Variants in INSC observed in about 807,000 individuals in gnomAD.
INSC encodes protein inscuteable homolog.
INSC carries 67 observed loss-of-function variants against 58.6 expected under a neutral mutation model. That is an observed-to-expected ratio of 1.14 (90% CI 0.94 to 1.40). The LOEUF is 1.40. INSC is among the 40% of genes most tolerant of loss of function. The pLI is 0.00. For missense variants in INSC, 714 were observed against 692.0 expected, an observed-to-expected ratio of 1.03 and a Z score of -0.36; for synonymous variants, 262 against 276.1, an observed-to-expected ratio of 0.95 and a Z score of 0.51.
At chr11:15,216,247 G>T (rs1851214243) in intron 7 of INSC, among the ~76,000 whole-genome samples, 1 of 152,200 alleles carries the variant, frequency 6.6e-6, no homozygotes, top group African/African-American at 2.4e-5. Context: ...AGTCTCAGCA[G>T]GAGATCAGGG....
intron 2 of INSC, among the ~76,000 whole-genome samples, chr11:15,173,129 G>C (rs72864747): frequency 2.0e-5 from 3 of 152,322 alleles, no homozygotes; most frequent in Non-Finnish European, 2.9e-5. Context: ...CCAGGAATGG[G>C]AAAATGGCTT....
At chr11:15,199,351 C>T (rs886571975) in intron 6 of INSC, among the ~76,000 whole-genome samples, 2 of 152,246 alleles carry the variant, frequency 1.3e-5, no homozygotes, top group African/African-American at 4.8e-5. Flanking sequence ...TGAACTCCTC[C>T]AGAGTTGGAT....
rs779539379 is a variant in INSC at position 15,178,343 on chromosome 11, G to A, written c.475G>A (p.Glu159Lys). ...CTTCAGGTGCCTTCAGGTTGAGAAT[G>A]AGCATGTCCTGAAGTCAATGAAGGC... is the stretch of plus-strand genomic sequence containing the variant. ...VTERCLQVEN[E>K]HVLKSMKACV... Residue 159 changes from glutamate to lysine, a missense_variant, in exon 5 of 13, where the codon GAG becomes AAG. Glu to Lys is a moderately conservative substitution (Grantham distance 56). Transcript: ENST00000379556. 1 of 1,613,994 alleles carries A rather than the reference G, an allele frequency of 6.2e-7. No individual in the cohort carries two copies. The highest frequency in any genetic ancestry group is 1.1e-5 in the South Asian group (1 of 91,078).
At chr11:15,118,108 A>G (rs1847777991) in intron 1 of INSC, among the ~76,000 whole-genome samples, 1 of 152,112 alleles carries the variant, frequency 6.6e-6, no homozygotes, top group Non-Finnish European at 1.5e-5. Context: ...CCCAGTATGG[A>G]ACACAACATC....
intron 7 of INSC, among the ~76,000 whole-genome samples, chr11:15,212,814 CCTT>C (rs1479262762): frequency 6.6e-6 from 1 of 152,132 alleles, no homozygotes; most frequent in Non-Finnish European, 1.5e-5. Context: ...CTTTTTCAAT[CCTT>C]CTATTTTTGC....
At chr11:15,231,368 A>C (rs1023658408) in intron 9 of INSC, among the ~76,000 whole-genome samples, 1 of 152,214 alleles carries the variant, frequency 6.6e-6, no homozygotes, top group African/African-American at 2.4e-5. Context: ...CACATAAAAT[A>C]CACTAACACT....
chr11:15,225,061 C>G (rs571666310), intron 8 of INSC, among the ~76,000 whole-genome samples: 5 of 152,306 alleles, frequency 3.3e-5, no homozygotes, highest in African/African-American at 1.2e-4. Flanking sequence ...GGACTGAGAG[C>G]TCCTTCCGGA....
rs147949114 is a variant in INSC, at chr11:15,172,556, G to A, written c.57-3185G>A. On this transcript the variant is annotated intron_variant, in intron 2 of 12. Transcript: ENST00000379556. ...CTAGTGCCCCACTGAAGGATGCAGA[G>A]GCCCTGAGGGGGAACTCATGAGCTC... is the stretch of plus-strand genomic sequence containing the variant. Among the ~76,000 whole-genome samples the A allele has an allele frequency of 3.3e-3, 507 of 152,348 alleles. 1 individual carries two copies. The highest frequency in any genetic ancestry group is 4.5e-3 in the Non-Finnish European group (307 of 68,032).
rs1295546959 is a variant in INSC, at chr11:15,149,161, A to C, written c.-14A>C. 2 of 1,611,568 alleles carry C rather than the reference A, an allele frequency of 1.2e-6. No individual in the cohort carries two copies. Among genetic ancestry groups the C allele is most frequent in the African/African-American group, 2.7e-5 (2 of 74,916 alleles). ...GACCGCTGCAAGCAGGCTTTGCTGCAGATTGGGATCAACATGATGGCACTG... is the reference window on the plus strand; with the variant it reads ...GACCGCTGCAAGCAGGCTTTGCTGCCGATTGGGATCAACATGATGGCACTG... On this transcript the variant is annotated 5_prime_UTR_variant, in exon 2 of 13. Coordinates refer to ENST00000379556, the MANE Select transcript of INSC (RefSeq NM_001042536.3).
At chr11:15,234,463 C>T (rs1852044978) in intron 9 of INSC, among the ~76,000 whole-genome samples, 1 of 152,130 alleles carries the variant, frequency 6.6e-6, no homozygotes, top group East Asian at 1.9e-4. Flanking sequence ...AATACTCTTT[C>T]TTGGTAGACA....
chr11:15,142,565 C>T (rs190577415), intron 1 of INSC, among the ~76,000 whole-genome samples: 9 of 152,312 alleles, frequency 5.9e-5, no homozygotes, highest in African/African-American at 1.7e-4. Context: ...TTGTTTGTCC[C>T]GCTTCGGGGG....
chr11:15,246,035 G>C lies in INSC; in HGVS notation c.1594G>C (p.Val532Leu). The C allele has an allele frequency of 6.2e-7, 1 of 1,614,150 alleles. No homozygotes were observed. Among genetic ancestry groups the C allele is most frequent in the Non-Finnish European group, 8.5e-7 (1 of 1,179,994 alleles). ...CTGCAGCAACATGGAGGAGAGTTTT[G>C]TGTAGTGAGTGTGGGCGAAGAAATA... Reference protein sequence around the residue: ...LLCSNMEESFV With the variant: ...LLCSNMEESFL Residue 532 changes from valine (V) to leucine (L), a missense_variant, in exon 13 of 13, where the codon GTG (valine) becomes CTG (leucine). Val to Leu is a conservative substitution (Grantham distance 32). Transcript: ENST00000379556.
chr11:15,215,595 G>A (rs898548441), intron 7 of INSC, among the ~76,000 whole-genome samples: 1 of 152,212 alleles, frequency 6.6e-6, no homozygotes, highest in Admixed American at 6.5e-5. Flanking sequence ...TCCTCCCTGG[G>A]CCTCCATTTC....
At chr11:15,189,014 G>C (rs192299922) in intron 5 of INSC, among the ~76,000 whole-genome samples, 96 of 152,248 alleles carry the variant, frequency 6.3e-4, no homozygotes, top group Non-Finnish European at 1.1e-3. Flanking sequence ...TCAAAACTTA[G>C]AGCATAATTT....
intron 7 of INSC, among the ~76,000 whole-genome samples, chr11:15,213,520 A>G (rs947374540): frequency 1.3e-5 from 2 of 152,200 alleles, no homozygotes; most frequent in African/African-American, 4.8e-5. Flanking sequence ...CCTAGCCCAA[A>G]GGGAAATCCA....
At chr11:15,199,461 G>C (rs1850494250) in intron 6 of INSC, among the ~76,000 whole-genome samples, 1 of 152,156 alleles carries the variant, frequency 6.6e-6, no homozygotes, top group South Asian at 2.1e-4. Flanking sequence ...GGAAGATCTG[G>C]AATTGAGCTA....
chr11:15,176,124 A>C, intron 3 of INSC, 38 bp downstream of exon 3: 1 of 1,453,270 alleles, frequency 6.9e-7, no homozygotes, highest in Non-Finnish European at 9.2e-7. Flanking sequence ...GGGAACTGGA[A>C]GTCAGGGTGC....
At chr11:15,204,471 C>T (rs929074691) in intron 7 of INSC, among the ~76,000 whole-genome samples, 14 of 152,228 alleles carry the variant, frequency 9.2e-5, no homozygotes, top group African/African-American at 3.1e-4. Context: ...GGTCCTTAAT[C>T]TCTCCCACCC....
chr11:15,123,124 C>T lies in INSC; in HGVS notation c.-46+8121C>T, dbSNP rs565869318. On this transcript the variant is annotated intron_variant, in intron 1 of 12. Coordinates refer to ENST00000379556, the MANE Select transcript of INSC (RefSeq NM_001042536.3). ...TGTTCCTCTGCTTAGAATGCTCGTT[C>T]TTCCTGACTCCACCTACCGAATTCC... Among the ~76,000 whole-genome samples the T allele has an allele frequency of 5.3e-5, 8 of 152,322 alleles. No homozygotes were observed. In the South Asian group the frequency reaches 8.3e-4, roughly 16 times the overall value.
Sources: gnomAD v4.1 joint callset for allele counts (sites outside exome capture counted in the v4.1 genomes callset) on GRCh38, gnomAD v4.1.1 for gene constraint, MANE v1.5 for transcripts, NCBI Gene and HGNC (gene_info 2026-07-23, HGNC 2026-07-21) for gene names.